The following SCARA5 variants were observed in gnomAD, a reference collection of about 807,000 sequenced individuals.
The protein encoded by SCARA5 is scavenger receptor class A member 5.
SCARA5 carries 45 observed loss-of-function variants against 46.3 expected under a neutral mutation model. The ratio of observed to expected loss-of-function variants is 0.97; its 90% CI spans 0.76 to 1.24. The LOEUF is 1.24. Among genes scored for constraint, SCARA5 ranks in the 50% most tolerant of loss-of-function variants. The pLI is 0.00. For synonymous variants in SCARA5, 333 were observed against 306.5 expected, an observed-to-expected ratio of 1.09 and a Z score of -0.90; for missense variants, 680 against 689.0, an observed-to-expected ratio of 0.99 and a Z score of 0.15.
chr8:27,944,380 TA>T (rs1807999622), intron 3 of SCARA5, among the ~76,000 whole-genome samples: 1 of 152,156 alleles, frequency 6.6e-6, no homozygotes, highest in Admixed American at 6.5e-5. Context: ...CTAACATATT[TA>T]GGGGTGAAGT....
At chr8:27,961,607 G>A (rs1037011341) in intron 3 of SCARA5, among the ~76,000 whole-genome samples, 7 of 152,144 alleles carry the variant, frequency 4.6e-5, no homozygotes, top group African/African-American at 1.4e-4. Flanking sequence ...CAAGTGCCTC[G>A]GCCAATGTCA....
chr8:27,961,435 G>A (rs1301555813), intron 3 of SCARA5, among the ~76,000 whole-genome samples: 2 of 152,224 alleles, frequency 1.3e-5, no homozygotes, highest in Non-Finnish European at 2.9e-5. Flanking sequence ...AGACCAAGGA[G>A]ATGCTAGTGC....
At chr8:27,986,478 C>A (rs1276414699) in intron 2 of SCARA5, among the ~76,000 whole-genome samples, 1 of 152,016 alleles carries the variant, frequency 6.6e-6, no homozygotes, top group Non-Finnish European at 1.5e-5. Context: ...CCTGGCCTGA[C>A]ACGTCGTGGA....
intron 7 of SCARA5, among the ~76,000 whole-genome samples, chr8:27,901,921 C>T (rs1007102571): frequency 6.6e-6 from 1 of 152,156 alleles, no homozygotes; most frequent in Non-Finnish European, 1.5e-5. Context: ...TGAGGAAGTC[C>T]GTCCTCCCCT....
Position 27,871,990 on chromosome 8 carries a change from C to A in SCARA5, c.1432G>T (p.Gly478Trp), listed in dbSNP as rs765290898. Residue 478 changes from glycine (G) to tryptophan (W), a missense_variant, in exon 9 of 9, where the codon GGG (glycine) becomes TGG (tryptophan). Physicochemically the swap from Gly to Trp is radical, Grantham distance 184. Around this residue, in one of 3 missense-constraint regions of SCARA5, gnomAD observed 219 missense variants for 269.5 expected, o/e 0.81. Transcript: ENST00000354914. ...TCGGCATGTCCACAGTTTGTCACCC[C>A]CCATTTGGAGAAGCTGCAGCGGAAG... ...TIFRCSFSKW[G>W]VTNCGHAEDA... 6.2e-7 allele frequency: 1 copy of A among 1,614,256 alleles called. No individual in the cohort carries two copies. Among genetic ancestry groups the A allele is most frequent in the South Asian group, 1.1e-5 (1 of 91,086 alleles).
At chr8:27,920,612 C>CAAA (rs55954197) in intron 4 of SCARA5, among the ~76,000 whole-genome samples, 36,198 of 122,878 alleles carry the variant, frequency 0.29, 5,303 homozygotes, top group East Asian at 0.39. Flanking sequence ...GACTCCATCT[C>CAAA]AAAAAAAAAA....
At chr8:27,964,486 T>C (rs148438021) in intron 3 of SCARA5, among the ~76,000 whole-genome samples, 2 of 152,356 alleles carry the variant, frequency 1.3e-5, no homozygotes, top group Non-Finnish European at 2.9e-5. Context: ...CCCTCCTTTC[T>C]GAAGCTTCCA....
intron 2 of SCARA5, among the ~76,000 whole-genome samples, chr8:27,985,260 T>A (rs1585529406): frequency 6.6e-6 from 1 of 151,338 alleles, no homozygotes; most frequent in Non-Finnish European, 1.5e-5. Context: ...CTGAGCTAAG[T>A]CCTGGGGGAG....
intron 7 of SCARA5, among the ~76,000 whole-genome samples, chr8:27,899,523 G>A (rs936688422): frequency 5.3e-5 from 8 of 152,202 alleles, no homozygotes; most frequent in Non-Finnish European, 1.0e-4. Context: ...GGCCTTTCCC[G>A]AGAGGAAGGG....
At chr8:27,964,172 G>A (rs1456887162) in intron 3 of SCARA5, among the ~76,000 whole-genome samples, 1 of 152,166 alleles carries the variant, frequency 6.6e-6, no homozygotes, top group African/African-American at 2.4e-5. Flanking sequence ...AAGAACCTCA[G>A]ACTTGTCCAC....
intron 2 of SCARA5, among the ~76,000 whole-genome samples, chr8:27,968,609 G>C (rs1808403964): frequency 6.6e-6 from 1 of 152,192 alleles, no homozygotes; most frequent in Non-Finnish European, 1.5e-5. Flanking sequence ...GTCAGAGTAG[G>C]AGGTATAGCA....
intron 3 of SCARA5, among the ~76,000 whole-genome samples, chr8:27,941,587 C>A (rs1290647513): frequency 6.6e-6 from 1 of 151,928 alleles, no homozygotes; most frequent in African/African-American, 2.4e-5. Context: ...CTGCAAAGTC[C>A]TATTCAAATT....
intron 7 of SCARA5, chr8:27,903,469 C>T (rs1038408316): frequency 6.6e-6 from 1 of 152,088 alleles, no homozygotes; most frequent in Non-Finnish European, 1.5e-5. Context: ...TTTTTATTAG[C>T]GGGTGTGTTT....
intron 3 of SCARA5, among the ~76,000 whole-genome samples, chr8:27,953,086 C>G (rs2685412): frequency 0.25 from 37,588 of 152,180 alleles, 4,757 homozygotes; most frequent in Non-Finnish European, 0.26. Flanking sequence ...CCAATCCAGA[C>G]GGAAAGCAGA....
intron 7 of SCARA5, among the ~76,000 whole-genome samples, chr8:27,893,513 G>T (rs187956049): frequency 4.0e-5 from 6 of 151,774 alleles, no homozygotes; most frequent in Middle Eastern, 3.4e-3. Flanking sequence ...TACCCCAGAT[G>T]CCCCTGAACC....
chr8:27,915,193 T>C lies in SCARA5; in HGVS notation c.917-5450A>G, dbSNP rs575830382. ...CTTTACAATTGTGAGGTCTCTTTTT[T>C]TCATCATTTAAGGCATCTCTCTGTG... On this transcript the variant is annotated intron_variant, in intron 4 of 8. Transcript: ENST00000354914. 7.2e-4 allele frequency among the ~76,000 whole-genome samples: 110 copies of C among 152,250 alleles called. 2 individuals carry two copies. Among genetic ancestry groups the C allele is most frequent in the African/African-American group, 2.4e-3 (101 of 41,530 alleles).
rs139007237 is a variant in SCARA5, at chr8:27,967,669, G to A, written c.113-1127C>T. On this transcript the variant is annotated intron_variant, in intron 2 of 8. Transcript: ENST00000354914. The stretch of plus-strand genomic sequence containing the variant: ...GGCTCACACCTGTAATCCCAGCACT[G>A]TGGGAGGCCAAGGTGGGTGGATCAC... 3.3e-5 allele frequency among the ~76,000 whole-genome samples: 5 copies of A among 152,254 alleles called. No homozygotes were observed. In the East Asian group the frequency reaches 5.8e-4, roughly 18 times the overall value.
intron 3 of SCARA5, among the ~76,000 whole-genome samples, chr8:27,925,751 GA>G (rs982341787): frequency 1.3e-4 from 19 of 151,600 alleles, no homozygotes; most frequent in Non-Finnish European, 2.9e-5. Context: ...AAATTTATAA[GA>G]AAAAAAACAA....
chr8:27,972,347 A>G (rs905970811), intron 2 of SCARA5, among the ~76,000 whole-genome samples: 66 of 93,738 alleles, frequency 7.0e-4, no homozygotes, highest in Non-Finnish European at 1.2e-3. Context: ...AACAAAAAAC[A>G]AAACAAAAAA....
Sources: gnomAD v4.1 joint callset for allele counts (sites outside exome capture counted in the v4.1 genomes callset) on GRCh38, gnomAD v4.1.1 for gene constraint, gnomAD v4.1.1 regional missense constraint, MANE v1.5 for transcripts, NCBI Gene and HGNC (gene_info 2026-07-23, HGNC 2026-07-21) for gene names.